Variants in KCNIP4 observed in about 807,000 individuals in gnomAD.
KCNIP4 encodes the protein potassium voltage-gated channel interacting protein 4, also known as Kv channel-interacting protein 4.
Under a neutral mutation model 34.0 loss-of-function variants are expected in KCNIP4, and 12 were observed. That is an observed-to-expected ratio of 0.35 (90% confidence interval 0.23 to 0.57). The LOEUF (loss-of-function observed/expected upper bound fraction) is 0.57. Ranked by LOEUF, KCNIP4 falls within the 20% of genes least tolerant of loss-of-function variation. KCNIP4 has a pLI of 0.83. For missense variants in KCNIP4, 238 were observed against 311.7 expected (o/e 0.76, Z 1.78); for synonymous variants, 124 against 102.2 (o/e 1.21, Z -1.29).
chr4:21,402,689 C>G (rs973224490), intron 1 of KCNIP4, among the ~76,000 whole-genome samples: 2 of 152,126 alleles, frequency 1.3e-5, no homozygotes, highest in African/African-American at 4.8e-5. Context: ...CCTGTACCTG[C>G]TTACACAGCT....
chr4:20,898,124 C>A (rs1463287377), intron 1 of KCNIP4, among the ~76,000 whole-genome samples: 2 of 152,046 alleles, frequency 1.3e-5, no homozygotes, highest in African/African-American at 4.8e-5. Context: ...CTTCTCCTGC[C>A]CTTGGGCATC....
chr4:20,869,724 A>G (rs994944009), intron 2 of KCNIP4, among the ~76,000 whole-genome samples: 2 of 152,146 alleles, frequency 1.3e-5, no homozygotes, highest in African/African-American at 2.4e-5. Flanking sequence ...GCAGGCAGTA[A>G]TAATAAATTA....
chr4:20,880,849 T>C (rs1724605437), intron 2 of KCNIP4, among the ~76,000 whole-genome samples: 1 of 152,222 alleles, frequency 6.6e-6, no homozygotes, highest in South Asian at 2.1e-4. Flanking sequence ...TTCTAGATTA[T>C]GGTCTTCCAG....
At chr4:20,980,539 C>T (rs1735965577) in intron 1 of KCNIP4, among the ~76,000 whole-genome samples, 1 of 152,060 alleles carries the variant, frequency 6.6e-6, no homozygotes, top group Admixed American at 6.5e-5. Context: ...TTCTCTTAAC[C>T]CTTTTCTATC....
chr4:21,016,495 C>G (rs1739558316), intron 1 of KCNIP4, among the ~76,000 whole-genome samples: 1 of 152,054 alleles, frequency 6.6e-6, no homozygotes, highest in South Asian at 2.1e-4. Context: ...TAGGGTTTCA[C>G]CGTGTTAGCC....
At chr4:21,191,768 A>G (rs73247391) in intron 1 of KCNIP4, among the ~76,000 whole-genome samples, 10,346 of 152,284 alleles carry the variant, frequency 0.068, 422 homozygotes, top group East Asian at 0.15. Context: ...TATGGCTTTT[A>G]TTCTTTATTT....
At chr4:21,615,402 C>T (rs1667296692) in intron 1 of KCNIP4, among the ~76,000 whole-genome samples, 1 of 147,450 alleles carries the variant, frequency 6.8e-6, no homozygotes, top group Non-Finnish European at 1.5e-5. Context: ...AAAAAATTAG[C>T]TGGAATGGTG....
At chr4:21,406,843 A>G (rs1724035291) in intron 1 of KCNIP4, among the ~76,000 whole-genome samples, 1 of 152,168 alleles carries the variant, frequency 6.6e-6, no homozygotes, top group Non-Finnish European at 1.5e-5. Flanking sequence ...GGCAAAAATT[A>G]TTTTGGAAAA....
intron 1 of KCNIP4, among the ~76,000 whole-genome samples, chr4:21,713,073 T>C (rs906856248): frequency 6.6e-6 from 1 of 152,210 alleles, no homozygotes; most frequent in Non-Finnish European, 1.5e-5. Flanking sequence ...TTATTGCTCA[T>C]GATTTTGGCC....
intron 3 of KCNIP4, among the ~76,000 whole-genome samples, chr4:20,837,024 G>T (rs1320594181): frequency 6.6e-6 from 1 of 151,992 alleles, no homozygotes; most frequent in African/African-American, 2.4e-5. Flanking sequence ...CAAAGTCCTT[G>T]GGATATATTA....
At chr4:21,271,729 A>C (rs1039275076) in intron 1 of KCNIP4, among the ~76,000 whole-genome samples, 1 of 152,174 alleles carries the variant, frequency 6.6e-6, no homozygotes, top group African/African-American at 2.4e-5. Flanking sequence ...TCCGTAAATA[A>C]TGCAGTGTGT....
At chr4:21,414,005 C>A (rs987693414) in intron 1 of KCNIP4, among the ~76,000 whole-genome samples, 1 of 152,116 alleles carries the variant, frequency 6.6e-6, no homozygotes, top group South Asian at 2.1e-4. Context: ...ATTTATCCTG[C>A]GCCTACCTGT....
chr4:20,896,505 C>T (rs187805275), intron 1 of KCNIP4, among the ~76,000 whole-genome samples: 3 of 152,192 alleles, frequency 2.0e-5, no homozygotes, highest in East Asian at 3.9e-4. Context: ...GACAGACACA[C>T]AGAGAGGGAA....
chr4:21,063,763 C>T (rs1027016541), intron 1 of KCNIP4, among the ~76,000 whole-genome samples: 1 of 151,366 alleles, frequency 6.6e-6, no homozygotes, highest in Non-Finnish European at 1.5e-5. Flanking sequence ...GATGTAGATA[C>T]CAGTGGGAAA....
At chr4:21,457,837 T>C (rs1385016031) in intron 1 of KCNIP4, among the ~76,000 whole-genome samples, 2 of 152,020 alleles carry the variant, frequency 1.3e-5, no homozygotes, top group African/African-American at 2.4e-5. Context: ...TTCTCTAACA[T>C]GACATTCTCT....
At chr4:21,724,454 C>T (rs1715046681) in intron 1 of KCNIP4, among the ~76,000 whole-genome samples, 1 of 152,146 alleles carries the variant, frequency 6.6e-6, no homozygotes, top group East Asian at 1.9e-4. Flanking sequence ...ACATGAACAT[C>T]ATCTAGGAAT....
intron 3 of KCNIP4, among the ~76,000 whole-genome samples, chr4:20,791,719 A>G (rs1306072055): frequency 2.0e-5 from 3 of 152,232 alleles, no homozygotes; most frequent in Non-Finnish European, 4.4e-5. Flanking sequence ...CTTGGCTGGG[A>G]CATAATATCT....
At chr4:20,790,263 T>C (rs1052517055) in intron 3 of KCNIP4, among the ~76,000 whole-genome samples, 5 of 152,172 alleles carry the variant, frequency 3.3e-5, no homozygotes, top group Non-Finnish European at 5.9e-5. Context: ...GCACTTACCA[T>C]GAATGGGAAT....
chr4:21,881,230 A>G (rs186394055), intron 1 of KCNIP4, among the ~76,000 whole-genome samples: 3 of 152,242 alleles, frequency 2.0e-5, no homozygotes, highest in East Asian at 3.9e-4. Context: ...TCCGCTAAAG[A>G]CATTATTCAA....
Sources: allele counts gnomAD v4.1 joint callset (sites outside exome capture counted in the v4.1 genomes callset), GRCh38; gene constraint gnomAD v4.1.1; transcripts MANE v1.5; gene names NCBI Gene and HGNC (gene_info 2026-07-23, HGNC 2026-07-21).